Variants in FRY observed in about 807,000 individuals in gnomAD.
FRY encodes FRY microtubule binding protein.
In FRY, 128 loss-of-function variants were observed where a neutral mutation model predicts 348.4. The ratio of observed to expected loss-of-function variants is 0.37; its 90% CI spans 0.32 to 0.43. FRY has a LOEUF of 0.43. FRY is among the 20% of genes least tolerant of loss of function. FRY has a pLI of 1.00. For synonymous variants in FRY, 1,370 were observed against 1,374.7 expected, an observed-to-expected ratio of 1.00 and a Z score of 0.08; for missense variants, 2,736 against 3,695.2, an observed-to-expected ratio of 0.74 and a Z score of 6.73.
chr13:32,160,599 G>A (rs935801377), intron 16 of FRY, among the ~76,000 whole-genome samples: 16 of 152,112 alleles, frequency 1.1e-4, no homozygotes, highest in Non-Finnish European at 7.4e-5. Flanking sequence ...CACTTTAAAA[G>A]TCAGAAATGG....
At position 32,274,828 on chromosome 13, in the gene FRY, A is replaced by G; in HGVS notation, c.8137-14A>G. 1.9e-6 allele frequency: 3 copies of G among 1,608,866 alleles called. No individual in the cohort carries two copies. Among genetic ancestry groups the G allele is most frequent in the Non-Finnish European group, 2.6e-6 (3 of 1,175,792 alleles). On this transcript the variant is annotated splice_polypyrimidine_tract_variant and intron_variant, in intron 55 of 60. Coordinates refer to ENST00000542859, the MANE Select transcript of FRY (RefSeq NM_023037.3). The stretch of plus-strand genomic sequence containing the variant: ...AACTTGACCTTTACAAATGGTCACT[A>G]TTTTGCCTTGCAGAATATTCAGAAA...
At chr13:32,135,576 A>G (rs927812765) in intron 10 of FRY, among the ~76,000 whole-genome samples, 8 of 152,334 alleles carry the variant, frequency 5.3e-5, no homozygotes, top group Middle Eastern at 3.4e-3. Context: ...TAGGATCAAA[A>G]TGGAAACAGG....
intron 46 of FRY, among the ~76,000 whole-genome samples, chr13:32,241,280 A>C (rs1566161046): frequency 6.6e-6 from 1 of 152,356 alleles, no homozygotes; most frequent in South Asian, 2.1e-4. Context: ...GAAGTTTCAA[A>C]AATGCAAATT....
At position 32,280,151 on chromosome 13, in the gene FRY, C is replaced by G. The variant is rs147952008; in HGVS notation, c.8469+1603C>G. 6.8e-3 allele frequency among the ~76,000 whole-genome samples: 1,043 copies of G among 152,306 alleles called. 7 individuals are homozygous for G. The highest frequency in any genetic ancestry group is 0.023 in the African/African-American group (967 of 41,570). ...CTGAAGACACCACAGCTTGACTTAT[C>G]CAAGGCTCCATGGTTGAGAAGTGAC... On this transcript the variant is annotated intron_variant, in intron 58 of 60. Coordinates refer to ENST00000542859, the MANE Select transcript of FRY (RefSeq NM_023037.3).
intron 4 of FRY, among the ~76,000 whole-genome samples, chr13:32,118,500 G>A (rs1264703263): frequency 6.6e-6 from 1 of 152,086 alleles, no homozygotes; most frequent in Non-Finnish European, 1.5e-5. Flanking sequence ...TTTATAATGT[G>A]CTTGAATTTA....
At chr13:32,144,151 C>G (rs562771250) in intron 11 of FRY, among the ~76,000 whole-genome samples, 2 of 150,674 alleles carry the variant, frequency 1.3e-5, no homozygotes, top group East Asian at 3.9e-4. Flanking sequence ...TTCAAGTCCC[C>G]TTTAAGTAAC....
In FRY at chr13:32,135,246, G is replaced by A. The variant is rs970769368; in HGVS notation, c.1077+63G>A. The A allele has an allele frequency of 4.9e-6, 5 of 1,024,918 alleles. No homozygotes were observed. In the African/African-American group the frequency reaches 7.9e-5, roughly 16 times the overall value. The allele number at this position is 1,024,918 out of a possible 1,614,324, so 63.5% of individuals were successfully genotyped here. A position where few individuals can be genotyped will look rare whatever the true frequency, so the allele number is the denominator to read the frequency against. ...CTGCACAGACTAAAATTCCTAGACA[G>A]GAATCTGTTTGAGGATCCTAAGGAC... On this transcript the variant is annotated intron_variant, in intron 10 of 60. Coordinates refer to ENST00000542859, the MANE Select transcript of FRY (RefSeq NM_023037.3).
chr13:32,033,225 T>G (rs1872331883), intron 1 of FRY, among the ~76,000 whole-genome samples: 1 of 152,242 alleles, frequency 6.6e-6, no homozygotes, highest in South Asian at 2.1e-4. Context: ...TATAATACTT[T>G]ACACTCAAGG....
intron 58 of FRY, among the ~76,000 whole-genome samples, chr13:32,288,431 A>G (rs1889179366): frequency 6.6e-6 from 1 of 152,218 alleles, no homozygotes; most frequent in African/African-American, 2.4e-5. Context: ...TCCCCTAAAG[A>G]GCAGGGAAGA....
At chr13:32,095,223 C>T (rs899807324) in intron 2 of FRY, among the ~76,000 whole-genome samples, 1 of 151,470 alleles carries the variant, frequency 6.6e-6, no homozygotes, top group African/African-American at 2.4e-5. Flanking sequence ...GTTGTTTGAA[C>T]TCCGTGTATA....
chr13:32,192,641 A>T (rs1452860761), intron 28 of FRY, among the ~76,000 whole-genome samples: 2 of 152,146 alleles, frequency 1.3e-5, no homozygotes. Context: ...CAAACCCTGT[A>T]AGTAAAAAAA....
intron 11 of FRY, among the ~76,000 whole-genome samples, chr13:32,141,448 G>T (rs1880066695): frequency 6.6e-6 from 1 of 152,146 alleles, no homozygotes; most frequent in African/African-American, 2.4e-5. Context: ...AAAACTGGAA[G>T]GTATTTTAAG....
chr13:32,081,658 T>A (rs1016229427), intron 2 of FRY, among the ~76,000 whole-genome samples: 1 of 152,230 alleles, frequency 6.6e-6, no homozygotes, highest in African/African-American at 2.4e-5. Context: ...GGCAGAAATG[T>A]AAGCTTCTGT....
At chr13:32,185,210 T>TAG in intron 26 of FRY, 62 bp downstream of exon 26, 1 of 1,463,608 alleles carries the variant, frequency 6.8e-7, no homozygotes, top group Non-Finnish European at 9.6e-7. Flanking sequence ...TGTTCTTTAT[T>TAG]ACGGTGCTTT....
At chr13:32,195,878 C>T (rs764435694) in intron 29 of FRY, among the ~76,000 whole-genome samples, 34 of 152,176 alleles carry the variant, frequency 2.2e-4, no homozygotes, top group Non-Finnish European at 4.1e-4. Flanking sequence ...AATACAATAG[C>T]TTGAACCCAA....
intron 55 of FRY, among the ~76,000 whole-genome samples, chr13:32,272,707 A>T (rs1007645264): frequency 6.6e-6 from 1 of 152,090 alleles, no homozygotes; most frequent in African/African-American, 2.4e-5. Context: ...TCAGGGGGGT[A>T]AAAGTGTTTT....
At chr13:32,149,980 T>A (rs1880700206) in intron 14 of FRY, 146 bp downstream of exon 14, 2 of 670,284 alleles carry the variant, frequency 3.0e-6, no homozygotes, top group East Asian at 5.4e-5. Flanking sequence ...CAGATGATGG[T>A]GGAATTTCAG....
At chr13:32,128,187 A>C (rs1879143598) in intron 7 of FRY, among the ~76,000 whole-genome samples, 1 of 152,136 alleles carries the variant, frequency 6.6e-6, no homozygotes, top group Non-Finnish European at 1.5e-5. Flanking sequence ...TCTCTACCGA[A>C]TGTCCTCTGC....
chr13:32,080,652 C>T (rs1383434885), intron 2 of FRY, among the ~76,000 whole-genome samples: 1 of 152,182 alleles, frequency 6.6e-6, no homozygotes, highest in Non-Finnish European at 1.5e-5. Flanking sequence ...TCCCATTGCC[C>T]AGAACAGGGC....
Sources: allele counts gnomAD v4.1 joint callset (sites outside exome capture counted in the v4.1 genomes callset), GRCh38; gene constraint gnomAD v4.1.1; transcripts MANE v1.5; gene names NCBI Gene and HGNC (gene_info 2026-07-23, HGNC 2026-07-21).